The following NLGN1 variants were observed in gnomAD, a reference collection of about 807,000 sequenced individuals.
The protein encoded by NLGN1 is neuroligin 1.
Under a neutral mutation model 65.5 loss-of-function variants are expected in NLGN1, and 12 were observed. That is an observed-to-expected ratio of 0.18 (90% confidence interval 0.12 to 0.30). The LOEUF (loss-of-function observed/expected upper bound fraction) is 0.30, where lower values mean the gene tolerates loss of function less well. Ranked by LOEUF, NLGN1 falls within the 10% of genes least tolerant of loss-of-function variation. The probability of loss-of-function intolerance (pLI) is 1.00; values close to 1 mark genes in which losing one functional copy is unlikely to be tolerated. For missense variants in NLGN1, 750 were observed against 1,007.1 expected (o/e 0.74, Z 3.46); for synonymous variants, 350 against 359.5 (o/e 0.97, Z 0.30).
chr3:173,812,976 T>G (rs1467469279), intron 4 of NLGN1, among the ~76,000 whole-genome samples: 1 of 150,998 alleles, frequency 6.6e-6, no homozygotes, highest in East Asian at 1.9e-4. Context: ...GATATTCTAC[T>G]TTATATTTAT....
chr3:174,178,830 T>C (rs1729899969), intron 4 of NLGN1, among the ~76,000 whole-genome samples: 1 of 152,138 alleles, frequency 6.6e-6, no homozygotes, highest in Non-Finnish European at 1.5e-5. Context: ...TGGTTATTAG[T>C]CTTTACACCT....
In NLGN1 at chr3:173,849,088, A is replaced by G. The variant is rs564705664; in HGVS notation, c.646+41256A>G. 3.9e-5 allele frequency among the ~76,000 whole-genome samples: 6 copies of G among 152,266 alleles called. No homozygotes were observed. In the East Asian group the frequency reaches 7.7e-4, roughly 20 times the overall value. Reference sequence around the variant, plus strand: ...GCTCATTGTCAATTTTCCTTGGACTATAGATAATTTTTTGATCTATTGTAT... The same window carrying G: ...GCTCATTGTCAATTTTCCTTGGACTGTAGATAATTTTTTGATCTATTGTAT... On this transcript the variant is annotated intron_variant, in intron 4 of 6. Transcript: ENST00000457714.
rs1163572114 is a variant in NLGN1, at chr3:174,091,962, G to A, written c.647-183353G>A. Among the ~76,000 whole-genome samples the A allele has an allele frequency of 2.6e-5, 4 of 152,028 alleles. No individual in the cohort carries two copies. The East Asian group carries it at 7.7e-4, about 29-fold the overall frequency. ...GTACTAAGGAAGTTTTGGAGTAAATGAATTTTAAAAATAAATCTCTGACCC... is the reference window on the plus strand; with the variant it reads ...GTACTAAGGAAGTTTTGGAGTAAATAAATTTTAAAAATAAATCTCTGACCC... On this transcript the variant is annotated intron_variant, in intron 4 of 6. Transcript: ENST00000457714.
At chr3:173,858,985 G>A (rs567562448) in intron 4 of NLGN1, among the ~76,000 whole-genome samples, 2 of 152,078 alleles carry the variant, frequency 1.3e-5, no homozygotes, top group Admixed American at 1.3e-4. Context: ...TTGTATTAGA[G>A]AAAATCATAA....
At position 173,717,285 on chromosome 3, in the gene NLGN1, A is replaced by C. The variant is rs549371963; in HGVS notation, c.494-90395A>C. Among the ~76,000 whole-genome samples, 3 of 152,282 alleles carry C rather than the reference A, an allele frequency of 2.0e-5. No individual in the cohort carries two copies. In the East Asian group the frequency reaches 5.8e-4, roughly 29 times the overall value. ...GTTGCCAGATTTTAATATGATTGAA[A>C]ATTTTTTGAAAAAATGTTAGTTTTT... On this transcript the variant is annotated intron_variant, in intron 3 of 6. Transcript: ENST00000457714.
chr3:173,667,599 T>G (rs911546939), intron 3 of NLGN1, among the ~76,000 whole-genome samples: 20 of 152,154 alleles, frequency 1.3e-4, no homozygotes. Context: ...TCTATATAGA[T>G]TTTCACAGTT....
At chr3:173,784,602 G>C (rs1052245704) in intron 3 of NLGN1, among the ~76,000 whole-genome samples, 6 of 152,102 alleles carry the variant, frequency 3.9e-5, no homozygotes, top group Admixed American at 1.3e-4. Flanking sequence ...CAGAGAAATA[G>C]AGTGAGAAAC....
At chr3:174,145,823 C>T (rs1235525064) in intron 4 of NLGN1, among the ~76,000 whole-genome samples, 8 of 152,166 alleles carry the variant, frequency 5.3e-5, no homozygotes, top group Non-Finnish European at 1.0e-4. Context: ...ATCTAAACTT[C>T]ACTTTTACCT....
chr3:174,032,074 T>G (rs1730144996), intron 4 of NLGN1, among the ~76,000 whole-genome samples: 1 of 152,100 alleles, frequency 6.6e-6, no homozygotes, highest in Non-Finnish European at 1.5e-5. Context: ...TAACCAGGCA[T>G]GGTGTTAATT....
At chr3:174,286,186 A>G (rs934258448) in exon 7 of NLGN1, 2 of 151,484 alleles carry the variant, frequency 1.3e-5, no homozygotes, top group African/African-American at 4.8e-5. Flanking sequence ...TATGGTTTAT[A>G]TAACATTTAT....
At chr3:173,718,967 C>T (rs1353444288) in intron 3 of NLGN1, among the ~76,000 whole-genome samples, 2 of 152,106 alleles carry the variant, frequency 1.3e-5, no homozygotes, top group East Asian at 1.9e-4. Context: ...AAGGAACTAA[C>T]ATAATGAAAT....
At chr3:173,452,465 G>T (rs150548474) in intron 2 of NLGN1, among the ~76,000 whole-genome samples, 1 of 152,146 alleles carries the variant, frequency 6.6e-6, no homozygotes, top group African/African-American at 2.4e-5. Flanking sequence ...GATTACAGGC[G>T]TGAGCCGCGG....
At chr3:173,479,842 A>C (rs1222784504) in intron 2 of NLGN1, among the ~76,000 whole-genome samples, 1 of 152,222 alleles carries the variant, frequency 6.6e-6, no homozygotes, top group African/African-American at 2.4e-5. Context: ...TAAGTGTAAG[A>C]GAGTAAACAC....
At chr3:173,423,160 A>T (rs1424201534) in intron 1 of NLGN1, among the ~76,000 whole-genome samples, 1 of 152,174 alleles carries the variant, frequency 6.6e-6, no homozygotes, top group Non-Finnish European at 1.5e-5. Context: ...TCTCACTATC[A>T]CAAGAACAGC....
At chr3:173,675,981 A>G (rs925172847) in intron 3 of NLGN1, among the ~76,000 whole-genome samples, 9 of 151,846 alleles carry the variant, frequency 5.9e-5, no homozygotes, top group African/African-American at 1.9e-4. Flanking sequence ...ATTAATGTTA[A>G]TATGCTGGTT....
chr3:173,634,205 C>T (rs1175374744), intron 3 of NLGN1, among the ~76,000 whole-genome samples: 1 of 152,030 alleles, frequency 6.6e-6, no homozygotes. Context: ...AAAATTCCCA[C>T]TGACTTCTTC....
At chr3:173,539,670 C>T (rs1378635800) in intron 2 of NLGN1, among the ~76,000 whole-genome samples, 1 of 134,452 alleles carries the variant, frequency 7.4e-6, no homozygotes, top group African/African-American at 2.8e-5. Context: ...TATATATGCA[C>T]ATATATAACA....
intron 3 of NLGN1, among the ~76,000 whole-genome samples, chr3:173,682,729 C>A (rs949621559): frequency 2.2e-4 from 34 of 151,896 alleles, no homozygotes; most frequent in Non-Finnish European, 4.1e-4. Context: ...TGGCGATGAC[C>A]TTGAGCAGTA....
At chr3:173,492,438 A>G (rs1729335919) in intron 2 of NLGN1, among the ~76,000 whole-genome samples, 1 of 151,846 alleles carries the variant, frequency 6.6e-6, no homozygotes, top group Non-Finnish European at 1.5e-5. Context: ...CTGCAGATAT[A>G]TATTTCTTAT....
Sources: gnomAD v4.1 joint callset for allele counts (sites outside exome capture counted in the v4.1 genomes callset) on GRCh38, gnomAD v4.1.1 for gene constraint, MANE v1.5 for transcripts, NCBI Gene and HGNC (gene_info 2026-07-23, HGNC 2026-07-21) for gene names.